Variants in IFIH1 observed in about 807,000 individuals in gnomAD.
IFIH1 encodes interferon-induced helicase C domain-containing protein 1.
In IFIH1, 125 loss-of-function variants were observed where a neutral mutation model predicts 107.4. That is an observed-to-expected ratio of 1.16 (90% confidence interval 1.01 to 1.35). IFIH1 has a LOEUF of 1.35. IFIH1 is among the 40% of genes most tolerant of loss of function. The probability of loss-of-function intolerance (pLI) is 0.00; values close to 1 mark genes in which losing one functional copy is unlikely to be tolerated. For synonymous variants in IFIH1, 458 were observed against 413.2 expected, an observed-to-expected ratio of 1.11 and a Z score of -1.31; for missense variants, 1,333 against 1,213.7, an observed-to-expected ratio of 1.10 and a Z score of -1.46.
chr2:162,281,187 A>G (rs530571843), intron 7 of IFIH1, 141 bp downstream of exon 7: 1 of 617,412 alleles, frequency 1.6e-6, no homozygotes, highest in African/African-American at 1.9e-5. Context: ...AAGACTGAGT[A>G]TATTTATTGT....
rs148462371 is a variant in IFIH1, at chr2:162,307,995, C to T, written c.623-1140G>A. Among the ~76,000 whole-genome samples the T allele has an allele frequency of 1.3e-3, 204 of 152,214 alleles. 1 individual carries two copies. Among genetic ancestry groups the T allele is most frequent in the Middle Eastern group, 0.01 (3 of 292 alleles). On this transcript the variant is annotated intron_variant, in intron 2 of 15. Coordinates refer to ENST00000649979, the MANE Select transcript of IFIH1 (RefSeq NM_022168.4). ...GGAGTAAACTGAGGCATAGAGAAGT[C>T]GAGAACCTGGCCAAAGGTCACACAT...
chr2:162,277,869 C>T (rs2105198041), intron 9 of IFIH1, among the ~76,000 whole-genome samples, 176 bp from the exon 10 acceptor site: 1 of 152,222 alleles, frequency 6.6e-6, no homozygotes, highest in African/African-American at 2.4e-5. Flanking sequence ...TTTTCCAACT[C>T]CTAGACTTGC....
intron 1 of IFIH1, among the ~76,000 whole-genome samples, chr2:162,317,122 T>G (rs1683507587): frequency 6.6e-6 from 1 of 151,680 alleles, no homozygotes; most frequent in African/African-American, 2.4e-5. Context: ...TTGGAAAACT[T>G]TTTCTCTAAA....
At chr2:162,273,975 G>T (rs778112401) in intron 11 of IFIH1, 31 bp from the exon 12 acceptor site, 6 of 1,474,632 alleles carry the variant, frequency 4.1e-6, no homozygotes, top group South Asian at 3.5e-5. Context: ...ATTAAATTTT[G>T]TGATGCTAAA....
At chr2:162,280,652 A>T (rs576776963) in intron 7 of IFIH1, among the ~76,000 whole-genome samples, 16 of 152,192 alleles carry the variant, frequency 1.1e-4, no homozygotes, top group African/African-American at 3.6e-4. Context: ...CCAGTAATAA[A>T]TTATATTTTG....
At position 162,310,768 on chromosome 2, in the gene IFIH1, C is replaced by G; in HGVS notation, c.619G>C (p.Ala207Pro). Reference sequence around the variant, plus strand: ...TCCTCAGTAAAATTACAAATACCTGCATTGCTTTCTGAGCAATCAGAGCCT... The same window carrying G: ...TCCTCAGTAAAATTACAAATACCTGGATTGCTTTCTGAGCAATCAGAGCCT... The part of the protein sequence containing the change: ...LTGSDCSESN[A>P]EIENLSQVDG... The change falls in exon 2 of 16, where the codon GCA (alanine) becomes CCA (proline). Residue 207 changes from alanine (A) to proline (P), a missense_variant. Coordinates refer to ENST00000649979, the MANE Select transcript of IFIH1 (RefSeq NM_022168.4). The G allele has an allele frequency of 6.2e-7, 1 of 1,612,406 alleles. No individual in the cohort carries two copies. The highest frequency in any genetic ancestry group is 8.5e-7 in the Non-Finnish European group (1 of 1,178,698).
intron 1 of IFIH1, among the ~76,000 whole-genome samples, chr2:162,312,576 A>C (rs778312725): frequency 7.0e-4 from 106 of 152,298 alleles, no homozygotes; most frequent in Middle Eastern, 3.4e-3. Flanking sequence ...TTCTGGCAAG[A>C]AGTGGTTAAA....
intron 7 of IFIH1, among the ~76,000 whole-genome samples, chr2:162,280,880 A>G (rs1320659635): frequency 3.9e-5 from 6 of 152,040 alleles, no homozygotes; most frequent in Non-Finnish European, 7.4e-5. Flanking sequence ...AGATCTTCAT[A>G]TCCCTATTTC....
intron 5 of IFIH1, among the ~76,000 whole-genome samples, chr2:162,283,816 C>CT (rs1300141861): frequency 6.6e-6 from 1 of 151,664 alleles, no homozygotes; most frequent in Non-Finnish European, 1.5e-5. Flanking sequence ...AAGTAGGTGT[C>CT]TGGGGGGCTG....
Position 162,280,102 on chromosome 2 carries a change from T to A in IFIH1, c.1535A>T (p.Asn512Ile), listed in dbSNP as rs370753836. Reference protein sequence around the residue: ...AEEHILKLCANLDAFTIKTVK... With the variant: ...AEEHILKLCAILDAFTIKTVK... ...AGTTTTAATAGTAAATGCATCAAGA[T>A]TGGCACATAGCTGGAAAAGAGACAT... The change falls in exon 8 of 16, where the codon AAT (asparagine) becomes ATT (isoleucine). Residue 512 changes from asparagine to isoleucine, a missense_variant. Asn to Ile is a moderately radical substitution (Grantham distance 149, BLOSUM62 -3). Transcript: ENST00000649979. 1 of 1,548,724 alleles carries A rather than the reference T, an allele frequency of 6.5e-7. No homozygotes were observed. The highest frequency in any genetic ancestry group is 8.9e-7 in the Non-Finnish European group (1 of 1,123,324).
intron 2 of IFIH1, among the ~76,000 whole-genome samples, chr2:162,308,994 C>G (rs947203465): frequency 6.6e-6 from 1 of 152,154 alleles, no homozygotes; most frequent in Non-Finnish European, 1.5e-5. Context: ...ACTTGTGAAA[C>G]CAGTTGAGCT....
intron 3 of IFIH1, among the ~76,000 whole-genome samples, chr2:162,301,835 G>A (rs775423528): frequency 8.5e-5 from 13 of 152,068 alleles, no homozygotes; most frequent in Non-Finnish European, 1.8e-4. Flanking sequence ...GTTATAAGAC[G>A]ACCAGTGACT....
rs1475372162 is a variant in IFIH1 at position 162,293,590 on chromosome 2, T to C, written c.848A>G (p.Asp283Gly). 2 of 1,611,210 alleles carry C rather than the reference T, an allele frequency of 1.2e-6. No homozygotes were observed. The highest frequency in any genetic ancestry group is 2.2e-5 in the South Asian group (2 of 90,948). Residue 283 changes from aspartate (D) to glycine (G), a missense_variant, in exon 4 of 16, where the codon GAT becomes GGT. By Grantham distance (94) the Asp-to-Gly change is moderately conservative. Coordinates refer to ENST00000649979, the MANE Select transcript of IFIH1 (RefSeq NM_022168.4). ...SLGHNSNMGS[D>G]SGTMGSDSDE... is the part of the protein sequence containing the mutation. ...TGAATCACTTCCCATGGTGCCTGAA[T>C]CACTGCCCATGTTGCTGTTATGTCC...
intron 3 of IFIH1, among the ~76,000 whole-genome samples, chr2:162,296,175 G>C (rs1306990383): frequency 6.6e-6 from 1 of 152,066 alleles, no homozygotes; most frequent in African/African-American, 2.4e-5. Context: ...GTAGAGTCAA[G>C]ATTTCTCCCA....
In IFIH1 at chr2:162,267,436, C is replaced by T. The variant is rs1166215027; in HGVS notation, c.2898+43G>A. On this transcript the variant is annotated intron_variant, in intron 15 of 15. Coordinates refer to ENST00000649979, the MANE Select transcript of IFIH1 (RefSeq NM_022168.4). The stretch of plus-strand genomic sequence containing the variant: ...TTAAATGTACATGCAATTAAACATT[C>T]CTGTTGGCTAAAGTAAAATCTGGCC... 2.5e-6 allele frequency: 4 copies of T among 1,611,806 alleles called. No individual in the cohort carries two copies. In the African/African-American group the frequency reaches 5.3e-5, roughly 22 times the overall value.
At chr2:162,279,891 A>C in intron 8 of IFIH1, 105 bp downstream of exon 8, 1 of 731,420 alleles carries the variant, frequency 1.4e-6, no homozygotes. Context: ...GTTTGCTAAA[A>C]TTTTTAAATA....
chr2:162,277,283 G>A lies in IFIH1; in HGVS notation c.2044+132C>T, dbSNP rs892277070. On this transcript the variant is annotated intron_variant, in intron 10 of 15. Transcript: ENST00000649979. Reference sequence around the variant, plus strand: ...GGTAGCTAATCTGGTCATATCATTAGAAATAGTTCCAATCTGAGTGGGATT... The same window carrying A: ...GGTAGCTAATCTGGTCATATCATTAAAAATAGTTCCAATCTGAGTGGGATT... 7 of 674,496 alleles carry A rather than the reference G, an allele frequency of 1.0e-5. No individual in the cohort carries two copies. In the South Asian group the frequency reaches 1.4e-4, roughly 14 times the overall value. 41.8% of individuals were successfully genotyped at this position (674,496 alleles called of 1,614,324 possible).
In IFIH1 at chr2:162,277,509, A is replaced by G. The variant is rs141001536; in HGVS notation, c.1950T>C (p.Asp650=). Reference sequence around the variant, plus strand: ...CTTCATCACCATCACAATACTCATCATCACCACCCTCATCACTATCATCTT... The same window carrying G: ...CTTCATCACCATCACAATACTCATCGTCACCACCCTCATCACTATCATCTT... ...VIEDDSDEGG[D]DEYCDGDEDE... is the part of the protein sequence containing the mutation. The change falls in exon 10 of 16, where the codon GAT becomes GAC. Residue 650 remains aspartate, a synonymous_variant. Transcript: ENST00000649979. The G allele has an allele frequency of 1.1e-5, 18 of 1,584,396 alleles. No individual in the cohort carries two copies. Among genetic ancestry groups the G allele is most frequent in the East Asian group, 2.2e-5 (1 of 44,666 alleles).
chr2:162,294,808 A>G (rs905164548), intron 3 of IFIH1, among the ~76,000 whole-genome samples: 3 of 151,798 alleles, frequency 2.0e-5, no homozygotes, highest in Non-Finnish European at 4.4e-5. Context: ...CTCTTAACAC[A>G]CCAATGAGGT....
Sources: allele counts gnomAD v4.1 joint callset (sites outside exome capture counted in the v4.1 genomes callset), GRCh38; gene constraint gnomAD v4.1.1; transcripts MANE v1.5; gene names NCBI Gene and HGNC (gene_info 2026-07-23, HGNC 2026-07-21).